Variants in DCLK1 observed in about 807,000 individuals in gnomAD.
DCLK1 encodes the protein serine/threonine-protein kinase DCLK1.
Under a neutral mutation model 86.2 loss-of-function variants are expected in DCLK1, and 16 were observed. That is an observed-to-expected ratio of 0.19 (90% CI 0.13 to 0.28). The LOEUF is 0.28. Among genes scored for constraint, DCLK1 ranks in the 10% least tolerant of loss-of-function variants. The pLI is 1.00. For synonymous variants in DCLK1, 369 were observed against 370.5 expected, an observed-to-expected ratio of 1.00 and a Z score of 0.05; for missense variants, 590 against 940.2, an observed-to-expected ratio of 0.63 and a Z score of 4.87.
chr13:36,129,848 C>G (rs1045099458), intron 1 of DCLK1, among the ~76,000 whole-genome samples: 1 of 152,012 alleles, frequency 6.6e-6, no homozygotes, highest in Non-Finnish European at 1.5e-5. Flanking sequence ...TTCAAGAAAC[C>G]AACATCCCTG....
At chr13:36,125,124 A>T (rs534163985) in intron 2 of DCLK1, among the ~76,000 whole-genome samples, 1 of 152,310 alleles carries the variant, frequency 6.6e-6, no homozygotes, top group Non-Finnish European at 1.5e-5. Flanking sequence ...ATTGGACTTA[A>T]AAAATTAAAC....
chr13:35,846,142 A>T, intron 6 of DCLK1: 1 of 985,380 alleles, frequency 1.0e-6, no homozygotes, highest in Non-Finnish European at 1.2e-6. Flanking sequence ...TTGCTGTGTC[A>T]AATGTTTTAA....
At chr13:35,846,077 C>A (rs376974587) in intron 6 of DCLK1, 6 of 985,224 alleles carry the variant, frequency 6.1e-6, no homozygotes, top group African/African-American at 1.7e-5. Flanking sequence ...TTTTGTCAAC[C>A]CTTAGCTCTA....
Position 35,885,029 on chromosome 13 carries a change from C to T in DCLK1, c.824-13689G>A, listed in dbSNP as rs1873144030. Among the ~76,000 whole-genome samples the T allele has an allele frequency of 3.9e-5, 6 of 152,118 alleles. No homozygotes were observed. The South Asian group carries it at 1.2e-3, about 32-fold the overall frequency. On this transcript the variant is annotated intron_variant, in intron 4 of 16. Transcript: ENST00000360631. ...CCAGGTCAGCGAAAACAGGACCAGG[C>T]TCTTGGTAGAAGGAGGGGCTCCTAT...
intron 3 of DCLK1, among the ~76,000 whole-genome samples, chr13:35,958,139 C>CATCACCACCATCACCACTATA (rs1566620649): frequency 7.0e-6 from 1 of 142,108 alleles, no homozygotes; most frequent in African/African-American, 2.8e-5. Flanking sequence ...CTACTATAAC[C>CATCACCACCATCACCACTATA]ACCACCACCA....
chr13:36,002,716 T>C (rs774633206), intron 3 of DCLK1, among the ~76,000 whole-genome samples: 6 of 152,244 alleles, frequency 3.9e-5, no homozygotes, highest in Non-Finnish European at 7.3e-5. Context: ...CATGTATGTG[T>C]GTGAACATAC....
intron 4 of DCLK1, among the ~76,000 whole-genome samples, chr13:35,945,364 G>A (rs1877318010): frequency 6.6e-6 from 1 of 152,176 alleles, no homozygotes; most frequent in Non-Finnish European, 1.5e-5. Context: ...TGGGTGGAGA[G>A]CGCATTGGCT....
rs1472969147 is a variant in DCLK1 at position 35,940,049 on chromosome 13, C to T, written c.823+7309G>A. On this transcript the variant is annotated intron_variant, in intron 4 of 16. Transcript: ENST00000360631. ...TAGCCTGGCCAACAGGGCAATAACC[C>T]GTCTCTACTAAAAATATAAAAACTA... is the stretch of plus-strand genomic sequence containing the variant. 3.9e-5 allele frequency among the ~76,000 whole-genome samples: 6 copies of T among 152,136 alleles called. No homozygotes were observed. The East Asian group carries it at 7.7e-4, about 20-fold the overall frequency.
intron 3 of DCLK1, among the ~76,000 whole-genome samples, chr13:36,002,804 A>G (rs574710604): frequency 2.0e-5 from 3 of 152,364 alleles, no homozygotes; most frequent in African/African-American, 7.2e-5. Context: ...ATTGTTTTAA[A>G]TCCTGTGGCA....
intron 3 of DCLK1, among the ~76,000 whole-genome samples, chr13:36,018,250 A>G (rs1881619798): frequency 1.3e-5 from 2 of 152,186 alleles, no homozygotes; most frequent in Non-Finnish European, 2.9e-5. Flanking sequence ...ACACATCCCT[A>G]TACACAAATC....
intron 3 of DCLK1, among the ~76,000 whole-genome samples, chr13:36,023,791 A>G (rs1226547101): frequency 3.3e-5 from 5 of 152,100 alleles, no homozygotes; most frequent in Admixed American, 2.0e-4. Context: ...AACAGCATCC[A>G]CAAAAACTCC....
intron 3 of DCLK1, among the ~76,000 whole-genome samples, chr13:35,958,483 C>CACAACT (rs1878270441): frequency 6.6e-6 from 1 of 151,784 alleles, no homozygotes; most frequent in African/African-American, 2.4e-5. Context: ...TAACCATCAC[C>CACAACT]ACCACTACCA....
At chr13:35,969,125 A>G (rs1267391855) in intron 3 of DCLK1, among the ~76,000 whole-genome samples, 2 of 152,278 alleles carry the variant, frequency 1.3e-5, no homozygotes, top group East Asian at 3.9e-4. Context: ...AACTATAATG[A>G]GCATAGTTTT....
chr13:35,939,500 G>A (rs1312707833), intron 4 of DCLK1, among the ~76,000 whole-genome samples: 1 of 152,208 alleles, frequency 6.6e-6, no homozygotes, highest in Non-Finnish European at 1.5e-5. Flanking sequence ...AACCTCTGGG[G>A]CTCAAGCGAT....
chr13:35,850,337 C>T (rs565469020), intron 6 of DCLK1: 2 of 989,612 alleles, frequency 2.0e-6, no homozygotes, highest in African/African-American at 1.7e-5. Context: ...AATTATATCT[C>T]TATGTCTACT....
intron 10 of DCLK1, among the ~76,000 whole-genome samples, chr13:35,823,457 G>A (rs1566551430): frequency 1.3e-5 from 2 of 151,914 alleles, no homozygotes; most frequent in East Asian, 3.9e-4. Context: ...GTGCTCCTTT[G>A]TAAGGAACAG....
chr13:35,989,041 C>G (rs762164486), intron 3 of DCLK1, among the ~76,000 whole-genome samples: 8 of 152,040 alleles, frequency 5.3e-5, no homozygotes, highest in Non-Finnish European at 1.0e-4. Context: ...AAATTTTCAG[C>G]AAACAATAAA....
chr13:36,043,338 T>TTTA, intron 3 of DCLK1, among the ~76,000 whole-genome samples: 1 of 151,466 alleles, frequency 6.6e-6, no homozygotes, highest in African/African-American at 2.4e-5. Context: ...AAAAAAAACT[T>TTTA]TATTAAAAGG....
chr13:35,964,016 G>C (rs965608793), intron 3 of DCLK1, among the ~76,000 whole-genome samples: 5 of 152,130 alleles, frequency 3.3e-5, no homozygotes, highest in Admixed American at 1.3e-4. Flanking sequence ...AATACTTCTA[G>C]AACCAGGAAA....
Sources: allele counts gnomAD v4.1 joint callset (sites outside exome capture counted in the v4.1 genomes callset), GRCh38; gene constraint gnomAD v4.1.1; transcripts MANE v1.5; gene names NCBI Gene and HGNC (gene_info 2026-07-23, HGNC 2026-07-21).